EPHB2: variants seen among roughly 807,000 people sequenced by gnomAD.
The protein encoded by EPHB2 is ephrin type-B receptor 2.
Under a neutral mutation model 96.4 loss-of-function variants are expected in EPHB2, and 18 were observed. The ratio of observed to expected loss-of-function variants is 0.19; its 90% CI spans 0.13 to 0.28. EPHB2 has a LOEUF of 0.28. EPHB2 is among the 10% of genes least tolerant of loss of function. EPHB2 has a pLI of 1.00. For synonymous variants in EPHB2, 506 were observed against 534.1 expected, an observed-to-expected ratio of 0.95 and a Z score of 0.72; for missense variants, 989 against 1,355.4, an observed-to-expected ratio of 0.73 and a Z score of 4.25.
At position 22,914,078 on chromosome 1, in the gene EPHB2, A is replaced by G. The variant is rs1640201685; in HGVS notation, c.*508A>G. On this transcript the variant is annotated 3_prime_UTR_variant, in exon 16 of 16. Transcript: ENST00000374630. The stretch of plus-strand genomic sequence containing the variant: ...CAACCAAGCGCCTGGAGGACGGGAC[A>G]GATGGACAGACAGCCACCCTGAGAA... The G allele has an allele frequency of 3.3e-6, 2 of 606,916 alleles. No individual in the cohort carries two copies. Among genetic ancestry groups the G allele is most frequent in the Non-Finnish European group, 5.5e-6 (2 of 366,488 alleles). The allele number at this position is 606,916 out of a possible 1,614,324, so 37.6% of individuals were successfully genotyped here. A position where few individuals can be genotyped will look rare whatever the true frequency, so the allele number is the denominator to read the frequency against.
intron 1 of EPHB2, among the ~76,000 whole-genome samples, chr1:22,719,979 C>T (rs1042950211): frequency 6.6e-6 from 1 of 152,202 alleles, no homozygotes; most frequent in African/African-American, 2.4e-5. Context: ...TGGGATCACT[C>T]AGGAGGCTGC....
At chr1:22,798,786 CAGGTTTGA>C (rs1232231509) in intron 3 of EPHB2, among the ~76,000 whole-genome samples, 1 of 152,000 alleles carries the variant, frequency 6.6e-6, no homozygotes, top group Non-Finnish European at 1.5e-5. Flanking sequence ...CATTTAACAA[CAGGTTTGA>C]AGGTTTGAAG....
At chr1:22,849,808 C>T (rs938069091) in intron 3 of EPHB2, among the ~76,000 whole-genome samples, 17 of 152,348 alleles carry the variant, frequency 1.1e-4, no homozygotes, top group African/African-American at 3.8e-4. Context: ...CTGTCACTTT[C>T]TCCACTGGCC....
intron 3 of EPHB2, among the ~76,000 whole-genome samples, chr1:22,799,309 C>T: frequency 6.6e-6 from 1 of 152,092 alleles, no homozygotes; most frequent in South Asian, 2.1e-4. Context: ...TGTTGCCTCC[C>T]ACCACTCCAG....
chr1:22,755,561 G>A (rs936634583), intron 1 of EPHB2, among the ~76,000 whole-genome samples: 2 of 152,162 alleles, frequency 1.3e-5, no homozygotes, highest in Non-Finnish European at 2.9e-5. Flanking sequence ...AGGACAGAGA[G>A]GGGAGCCATC....
chr1:22,767,394 C>T (rs1644322099), intron 1 of EPHB2, among the ~76,000 whole-genome samples: 1 of 152,182 alleles, frequency 6.6e-6, no homozygotes, highest in Admixed American at 6.5e-5. Context: ...TCACACAGCC[C>T]AGAAATCAAA....
rs185077182 is a variant in EPHB2, at chr1:22,913,894, G to A, written c.*324G>A. The stretch of plus-strand genomic sequence containing the variant: ...AAAAAAGGGCTTGGGAGATTCATGC[G>A]ATGTGTCCAATCGGAGACAAAAGCA... On this transcript the variant is annotated 3_prime_UTR_variant, in exon 16 of 16. Transcript: ENST00000374630. This position sits in a 1 kb window ranked among gnomAD's most constrained non-coding sequence, Gnocchi z 4.1. 1.2e-4 allele frequency: 188 copies of A among 1,569,392 alleles called. No homozygotes were observed. The East Asian group carries it at 2.8e-3, about 24-fold the overall frequency.
chr1:22,911,143 A>AAATAAATAAAT (rs1640087330), intron 14 of EPHB2, among the ~76,000 whole-genome samples: 30 of 133,816 alleles, frequency 2.2e-4, no homozygotes, highest in East Asian at 1.3e-3. Flanking sequence ...TCCATCTAAA[A>AAATAAATAAAT]AAATAAATAA....
chr1:22,842,019 C>A (rs1645476492), intron 3 of EPHB2, among the ~76,000 whole-genome samples: 1 of 152,172 alleles, frequency 6.6e-6, no homozygotes, highest in African/African-American at 2.4e-5. Flanking sequence ...CCCATGGGGC[C>A]TCGGGACAGC....
chr1:22,901,820 A>AGAGTGTGTGTGTGTGTGTGTGT (rs138572549), intron 9 of EPHB2, among the ~76,000 whole-genome samples: 1 of 148,458 alleles, frequency 6.7e-6, no homozygotes, highest in African/African-American at 2.5e-5. Context: ...TGTGTGTGTG[A>AGAGTGTGTGTGTGTGTGTGTGT]GTGTGTGTGT....
At chr1:22,765,999 T>A (rs2817884) in intron 1 of EPHB2, among the ~76,000 whole-genome samples, 1 of 152,162 alleles carries the variant, frequency 6.6e-6, no homozygotes. Flanking sequence ...ATTCCCTGTT[T>A]GTGGCATCCT....
chr1:22,889,888 G>A (rs1055892022), intron 6 of EPHB2, among the ~76,000 whole-genome samples: 4 of 152,274 alleles, frequency 2.6e-5, no homozygotes, highest in South Asian at 2.1e-4. Context: ...TGCACGGGGC[G>A]TACTTATACC....
At chr1:22,874,409 T>G (rs1262426007) in intron 5 of EPHB2, among the ~76,000 whole-genome samples, 1 of 152,176 alleles carries the variant, frequency 6.6e-6, no homozygotes. Context: ...GTCAAGACGA[T>G]TCCACAACCC....
chr1:22,798,596 G>C (rs1644799843), intron 3 of EPHB2, among the ~76,000 whole-genome samples: 1 of 152,102 alleles, frequency 6.6e-6, no homozygotes, highest in South Asian at 2.1e-4. Context: ...CTCATAAGGA[G>C]CTGGTGGGAG....
chr1:22,847,075 C>T (rs982448551), intron 3 of EPHB2, among the ~76,000 whole-genome samples: 9 of 152,234 alleles, frequency 5.9e-5, no homozygotes. Context: ...GAGTGGGTTA[C>T]TCAGCCCCGC....
intron 1 of EPHB2, among the ~76,000 whole-genome samples, chr1:22,767,055 C>G (rs999163377): frequency 6.6e-6 from 1 of 152,234 alleles, no homozygotes; most frequent in African/African-American, 2.4e-5. Context: ...GGGCTTAGCA[C>G]AAGGCCATCT....
chr1:22,832,197 T>C (rs10737467), intron 3 of EPHB2, among the ~76,000 whole-genome samples: 151,033 of 152,246 alleles, frequency 0.99, 74,927 homozygotes, highest in East Asian at 1. Context: ...GAACAATGGG[T>C]CCTGAGTCAC....
At chr1:22,839,953 G>A (rs1251984372) in intron 3 of EPHB2, among the ~76,000 whole-genome samples, 2 of 152,160 alleles carry the variant, frequency 1.3e-5, no homozygotes, top group Non-Finnish European at 2.9e-5. Context: ...TCTAGGCTGG[G>A]AGCCCGGATA....
Position 22,882,612 on chromosome 1 carries a change from G to C in EPHB2, c.1428+129G>C, listed in dbSNP as rs183254521. ...GTGCAGCAGAAAGAGCACTGGCCTT[G>C]GAGTCAGGCTGCCTGGCTCCCAATC... is the stretch of plus-strand genomic sequence containing the variant. On this transcript the variant is annotated intron_variant, in intron 6 of 15. Coordinates refer to ENST00000374630, the MANE Select transcript of EPHB2 (RefSeq NM_017449.5). 16 of 1,461,990 alleles carry C rather than the reference G, an allele frequency of 1.1e-5. No individual in the cohort carries two copies. In the African/African-American group the frequency reaches 2.1e-4, roughly 19 times the overall value. The allele number at this position is 1,461,990 out of a possible 1,614,324, so 90.6% of individuals were successfully genotyped here.
Sources: gnomAD v4.1 joint callset for allele counts (sites outside exome capture counted in the v4.1 genomes callset) on GRCh38, gnomAD v4.1.1 for gene constraint, Gnocchi (gnomAD v3.1) non-coding constraint, MANE v1.5 for transcripts, NCBI Gene and HGNC (gene_info 2026-07-23, HGNC 2026-07-21) for gene names.